Variants in PRXL2B observed in about 807,000 individuals in gnomAD.
The protein encoded by PRXL2B is peroxiredoxin like 2B.
PRXL2B carries 26 observed loss-of-function variants against 24.4 expected under a neutral mutation model. The ratio of observed to expected loss-of-function variants is 1.07; its 90% CI spans 0.78 to 1.48. PRXL2B has a LOEUF of 1.48. PRXL2B is among the 40% of genes most tolerant of loss of function. The pLI is 0.00. For synonymous variants in PRXL2B, 115 were observed against 118.9 expected, an observed-to-expected ratio of 0.97 and a Z score of 0.21; for missense variants, 269 against 264.8, an observed-to-expected ratio of 1.02 and a Z score of -0.11.
rs1292235989 is a variant in PRXL2B at position 2,587,612 on chromosome 1, G to C, written c.269-129G>C. ...CCGTTTTACCCCTCCCTGCCCTGCG[G>C]GGGTGGGCTGAGCACGGAGGGTGGG... On this transcript the variant is annotated intron_variant, in intron 2 of 6. Coordinates refer to ENST00000419916, the MANE Select transcript of PRXL2B (RefSeq NM_152371.5). This position sits in a 1 kb window ranked among gnomAD's most constrained non-coding sequence, Gnocchi z 6.1. 1.5e-5 allele frequency: 17 copies of C among 1,116,316 alleles called. No individual in the cohort carries two copies. Among genetic ancestry groups the C allele is most frequent in the Non-Finnish European group, 2.3e-5 (17 of 754,944 alleles). The allele number at this position is 1,116,316 out of a possible 1,614,324, so 69.2% of individuals were successfully genotyped here. A position where few individuals can be genotyped will look rare whatever the true frequency, so the allele number is the denominator to read the frequency against.
Position 2,587,549 on chromosome 1 carries a change from C to T in PRXL2B, c.269-192C>T, listed in dbSNP as rs187837048. ...CCGGCTCCACCTGTTGCCTCTGGGA[C>T]TCAGCCCCTCTTCTGAGGGGAGGGG... is the stretch of plus-strand genomic sequence containing the variant. On this transcript the variant is annotated intron_variant, in intron 2 of 6. Coordinates refer to ENST00000419916, the MANE Select transcript of PRXL2B (RefSeq NM_152371.5). This position sits in a 1 kb window ranked among gnomAD's most constrained non-coding sequence, Gnocchi z 6.1. Among the ~76,000 whole-genome samples the T allele has an allele frequency of 2.2e-3, 330 of 152,266 alleles. 2 individuals are homozygous for T. Among genetic ancestry groups the T allele is most frequent in the Non-Finnish European group, 3.7e-3 (250 of 68,000 alleles).
chr1:2,587,579 ACT>A lies in PRXL2B; in HGVS notation c.269-160_269-159del, dbSNP rs1644556432. On this transcript the variant is annotated intron_variant, in intron 2 of 6. Transcript: ENST00000419916. The surrounding 1 kb of genome is among the most constrained non-coding windows in gnomAD (Gnocchi z 6.1). ...CCCCTCTTCTGAGGGGAGGGGGGAC[ACT>A]CAGCCCCGTTTTACCCCTCCCTGCC... is the stretch of plus-strand genomic sequence containing the variant. 6.6e-6 allele frequency among the ~76,000 whole-genome samples: 1 copy of A among 151,916 alleles called. No homozygotes were observed. The highest frequency in any genetic ancestry group is 6.5e-5 in the Admixed American group (1 of 15,280).
chr1:2,591,096 G>T lies in PRXL2B; in HGVS notation c.*1669G>T. The stretch of plus-strand genomic sequence containing the variant: ...CTGCAGCGACCCCAGTACCCTGTGG[G>T]TGGGTGGGTGTGACAGCAGGAGCAT... On this transcript the variant is annotated 3_prime_UTR_variant, in exon 7 of 7. Coordinates refer to ENST00000419916, the MANE Select transcript of PRXL2B (RefSeq NM_152371.5). 6.4e-7 allele frequency: 1 copy of T among 1,557,700 alleles called. No homozygotes were observed. The highest frequency in any genetic ancestry group is 1.7e-4 in the Middle Eastern group (1 of 5,780).
Position 2,587,899 on chromosome 1 carries a change from C to A in PRXL2B, c.320+107C>A. The A allele has an allele frequency of 2.3e-6, 3 of 1,324,288 alleles. No individual in the cohort carries two copies. Among genetic ancestry groups the A allele is most frequent in the Middle Eastern group, 2.6e-4 (1 of 3,914 alleles). The allele number at this position is 1,324,288 out of a possible 1,614,324, so 82.0% of individuals were successfully genotyped here. A position where few individuals can be genotyped will look rare whatever the true frequency, so the allele number is the denominator to read the frequency against. The stretch of plus-strand genomic sequence containing the variant: ...GCTGCCCTCTGTGGTGCTGTCCACT[C>A]GGGCCTTCCTGGGCAAGGCGGCTCT... On this transcript the variant is annotated intron_variant, in intron 3 of 6. Coordinates refer to ENST00000419916, the MANE Select transcript of PRXL2B (RefSeq NM_152371.5). This position sits in a 1 kb window ranked among gnomAD's most constrained non-coding sequence, Gnocchi z 6.1.
rs371482493 is a variant in PRXL2B at position 2,587,186 on chromosome 1, C to T, written c.159C>T (p.Asp53=). The change falls in exon 2 of 7, where the codon GAC becomes GAT. Residue 53 remains aspartate, a synonymous_variant. Coordinates refer to ENST00000419916, the MANE Select transcript of PRXL2B (RefSeq NM_152371.5). The surrounding 1 kb of genome is among the most constrained non-coding windows in gnomAD (Gnocchi z 6.1). ...TGGTGTGCCGCTGGATCGCCCAGGA[C>T]CTCAGCAGCCTTGCTGGGCTCCTGG... The part of the protein sequence containing the change: ...GCVVCRWIAQ[D]LSSLAGLLDQ... The T allele has an allele frequency of 6.4e-6, 10 of 1,562,716 alleles. No homozygotes were observed. The highest frequency in any genetic ancestry group is 5.4e-5 in the African/African-American group (4 of 74,008).
In PRXL2B at chr1:2,587,193, A is replaced by C; in HGVS notation, c.166A>C (p.Ser56Arg). The C allele has an allele frequency of 6.4e-7, 1 of 1,565,112 alleles. No individual in the cohort carries two copies. Among genetic ancestry groups the C allele is most frequent in the South Asian group, 1.2e-5 (1 of 86,290 alleles). Residue 56 changes from serine (S) to arginine (R), a missense_variant, in exon 2 of 7, where the codon AGC (serine) becomes CGC (arginine). By Grantham distance (110) the Ser-to-Arg change is moderately radical. Coordinates refer to ENST00000419916, the MANE Select transcript of PRXL2B (RefSeq NM_152371.5). The surrounding 1 kb of genome is among the most constrained non-coding windows in gnomAD (Gnocchi z 6.1). ...VCRWIAQDLS[S>R]LAGLLDQHGV... ...CCGCTGGATCGCCCAGGACCTCAGC[A>C]GCCTTGCTGGGCTCCTGGACCAACA...
chr1:2,589,853 T>G lies in PRXL2B; in HGVS notation c.*426T>G. ...TCAGCTCCAGCAGGGTCGGGGTCAG[T>G]GCCTGTGTCTGGTGGGGGCCACTCA... On this transcript the variant is annotated 3_prime_UTR_variant, in exon 7 of 7. Transcript: ENST00000419916. 4.8e-6 allele frequency: 1 copy of G among 210,418 alleles called. No individual in the cohort carries two copies. The allele number at this position is 210,418 out of a possible 1,614,324, so 13.0% of individuals were successfully genotyped here.
At position 2,591,426 on chromosome 1, in the gene PRXL2B, C is replaced by G; in HGVS notation, c.*1999C>G. On this transcript the variant is annotated 3_prime_UTR_variant, in exon 7 of 7. Transcript: ENST00000419916. ...CCTGACCGAAATCGGCCAGAAGCCC[C>G]TCTCAGGTTTATTCCCAAAATAAAC... 3.9e-6 allele frequency: 3 copies of G among 765,546 alleles called. No individual in the cohort carries two copies. The highest frequency in any genetic ancestry group is 1.5e-5 in the South Asian group (1 of 64,990). 47.4% of individuals were successfully genotyped at this position (765,546 alleles called of 1,614,324 possible). A position where few individuals can be genotyped will look rare whatever the true frequency, so the allele number is the denominator to read the frequency against.
At position 2,589,538 on chromosome 1, in the gene PRXL2B, C is replaced by T. The variant is rs1212501103; in HGVS notation, c.*111C>T. 1 of 1,495,282 alleles carries T rather than the reference C, an allele frequency of 6.7e-7. No homozygotes were observed. The highest frequency in any genetic ancestry group is 9.2e-7 in the Non-Finnish European group (1 of 1,089,294). The allele number at this position is 1,495,282 out of a possible 1,614,324, so 92.6% of individuals were successfully genotyped here. A position where few individuals can be genotyped will look rare whatever the true frequency, so the allele number is the denominator to read the frequency against. On this transcript the variant is annotated 3_prime_UTR_variant, in exon 7 of 7. Coordinates refer to ENST00000419916, the MANE Select transcript of PRXL2B (RefSeq NM_152371.5). ...GGAGGCGCTGGGTCGGGATGCCGAA[C>T]CTCTCCTGATCCGCCGGCAGCAACG...
chr1:2,591,275 C>T lies in PRXL2B; in HGVS notation c.*1848C>T, dbSNP rs374597613. On this transcript the variant is annotated 3_prime_UTR_variant, in exon 7 of 7. Coordinates refer to ENST00000419916, the MANE Select transcript of PRXL2B (RefSeq NM_152371.5). ...AGAAACATGCCAATCCTGAGAATAA[C>T]CTCCCCTCCAGCCAGAGATATTCCA... 53 of 596,592 alleles carry T rather than the reference C, an allele frequency of 8.9e-5. No homozygotes were observed. The highest frequency in any genetic ancestry group is 4.5e-4 in the East Asian group (16 of 35,644). 37.0% of individuals were successfully genotyped at this position (596,592 alleles called of 1,614,324 possible).
chr1:2,587,771 A>T lies in PRXL2B; in HGVS notation c.299A>T (p.Tyr100Phe). The stretch of plus-strand genomic sequence containing the variant: ...TACCTGGATGAGAGCAAGCAGCTTT[A>T]CAAGGAGCTAGGCTTCAAGCGGTGA... Reference protein sequence around the residue: ...ELYLDESKQLYKELGFKRYNS... With the variant: ...ELYLDESKQLFKELGFKRYNS... The change falls in exon 3 of 7, where the codon TAC becomes TTC. Residue 100 changes from tyrosine to phenylalanine, a missense_variant. Transcript: ENST00000419916. The surrounding 1 kb of genome is among the most constrained non-coding windows in gnomAD (Gnocchi z 6.1). 1 of 1,601,520 alleles carries T rather than the reference A, an allele frequency of 6.2e-7. No homozygotes were observed. The highest frequency in any genetic ancestry group is 1.1e-5 in the South Asian group (1 of 89,184).
At position 2,590,718 on chromosome 1, in the gene PRXL2B, A is replaced by C; in HGVS notation, c.*1291A>C. ...ATGCACCTTGGAGGGTGGGCAGGAC[A>C]CAGTTGATTGTCTCTACAGAGCTGT... On this transcript the variant is annotated 3_prime_UTR_variant, in exon 7 of 7. Transcript: ENST00000419916. 1 of 382,834 alleles carries C rather than the reference A, an allele frequency of 2.6e-6. No homozygotes were observed. The highest frequency in any genetic ancestry group is 4.5e-5 in the Admixed American group (1 of 22,088). 23.7% of individuals were successfully genotyped at this position (382,834 alleles called of 1,614,324 possible).
At position 2,590,408 on chromosome 1, in the gene PRXL2B, C is replaced by T. The variant is rs1644655705; in HGVS notation, c.*981C>T. The T allele has an allele frequency of 1.3e-5, 2 of 152,678 alleles. No individual in the cohort carries two copies. Among genetic ancestry groups the T allele is most frequent in the Non-Finnish European group, 2.9e-5 (2 of 68,300 alleles). The allele number at this position is 152,678 out of a possible 1,614,324, so 9.5% of individuals were successfully genotyped here. A position where few individuals can be genotyped will look rare whatever the true frequency, so the allele number is the denominator to read the frequency against. On this transcript the variant is annotated 3_prime_UTR_variant, in exon 7 of 7. Coordinates refer to ENST00000419916, the MANE Select transcript of PRXL2B (RefSeq NM_152371.5). ...CTGCAGCTCTCTGGGTCCCCCGGTG[C>T]CCCAGTGGGGCTCCCCGCATCTGAA... is the stretch of plus-strand genomic sequence containing the variant.
rs1027895685 is a variant in PRXL2B, at chr1:2,590,972, A to G, written c.*1545A>G. On this transcript the variant is annotated 3_prime_UTR_variant, in exon 7 of 7. Coordinates refer to ENST00000419916, the MANE Select transcript of PRXL2B (RefSeq NM_152371.5). ...AGCAGCGGGTGGGCGTGGGCCGCAC[A>G]GCGCGGCAGGGCCTTGGCTACCACA... 3.9e-6 allele frequency: 6 copies of G among 1,528,040 alleles called. No homozygotes were observed. The highest frequency in any genetic ancestry group is 4.4e-6 in the Non-Finnish European group (5 of 1,136,150). The allele number at this position is 1,528,040 out of a possible 1,614,324, so 94.7% of individuals were successfully genotyped here. A position where few individuals can be genotyped will look rare whatever the true frequency, so the allele number is the denominator to read the frequency against.
chr1:2,587,219 C>A lies in PRXL2B; in HGVS notation c.192C>A (p.His64Gln). The A allele has an allele frequency of 1.9e-6, 3 of 1,572,416 alleles. No homozygotes were observed. Among genetic ancestry groups the A allele is most frequent in the Non-Finnish European group, 2.6e-6 (3 of 1,165,462 alleles). ...GCCTTGCTGGGCTCCTGGACCAACA[C>A]GGCGTGCGCCTGGTGGGCGTAGGGC... Reference protein sequence around the residue: ...LSSLAGLLDQHGVRLVGVGPE... With the variant: ...LSSLAGLLDQQGVRLVGVGPE... Residue 64 changes from histidine (H) to glutamine (Q), a missense_variant, in exon 2 of 7, where the codon CAC becomes CAA. By Grantham distance (24) the His-to-Gln change is conservative. Transcript: ENST00000419916. This position sits in a 1 kb window ranked among gnomAD's most constrained non-coding sequence, Gnocchi z 6.1.
rs1207729253 is a variant in PRXL2B at position 2,589,400 on chromosome 1, G to A, written c.580-10G>A. 6.2e-7 allele frequency: 1 copy of A among 1,613,434 alleles called. No individual in the cohort carries two copies. The highest frequency in any genetic ancestry group is 1.7e-5 in the Admixed American group (1 of 59,958). On this transcript the variant is annotated splice_polypyrimidine_tract_variant and intron_variant, in intron 6 of 6. Transcript: ENST00000419916. ...TCCAGCGGCCCCATGGGACCCTGCTGTCCCCACAGTGTGACAGAGAGGTGT... is the reference window on the plus strand; with the variant it reads ...TCCAGCGGCCCCATGGGACCCTGCTATCCCCACAGTGTGACAGAGAGGTGT...
intron 5 of PRXL2B, 32 bp from the exon 6 acceptor site, chr1:2,588,890 G>A (rs1410795610): frequency 3.9e-5 from 62 of 1,602,220 alleles, no homozygotes; most frequent in Non-Finnish European, 5.1e-5. Flanking sequence ...GGCGGCCTCC[G>A]GGGTGCCGTG....
Position 2,587,702 on chromosome 1 carries a change from CT to C in PRXL2B, c.269-38del. 6.3e-7 allele frequency: 1 copy of C among 1,580,062 alleles called. No homozygotes were observed. Among genetic ancestry groups the C allele is most frequent in the Non-Finnish European group, 8.6e-7 (1 of 1,162,622 alleles). The stretch of plus-strand genomic sequence containing the variant: ...GTGGTGAGTGGGTTGGGGGCTGGTT[CT>C]GCGCCTGGGGCACACACATGTGGCT... On this transcript the variant is annotated intron_variant, in intron 2 of 6. Coordinates refer to ENST00000419916, the MANE Select transcript of PRXL2B (RefSeq NM_152371.5). The surrounding 1 kb of genome is among the most constrained non-coding windows in gnomAD (Gnocchi z 6.1).
In PRXL2B at chr1:2,588,398, G is replaced by A; in HGVS notation, c.329G>A (p.Ser110Asn). Reference protein sequence around the residue: ...YKELGFKRYNSLSILPAALGK... With the variant: ...YKELGFKRYNNLSILPAALGK... ...ACCTGGTGTCTTCGCAGGTACAACA[G>A]CCTGAGCATCCTCCCAGCAGCTCTG... Residue 110 changes from serine to asparagine, a missense_variant, in exon 4 of 7, where the codon AGC (serine) becomes AAC (asparagine). By Grantham distance (46) the Ser-to-Asn change is conservative. Coordinates refer to ENST00000419916, the MANE Select transcript of PRXL2B (RefSeq NM_152371.5). The A allele has an allele frequency of 2.5e-6, 4 of 1,614,178 alleles. No homozygotes were observed. Among genetic ancestry groups the A allele is most frequent in the East Asian group, 2.2e-5 (1 of 44,890 alleles).
Sources: gnomAD v4.1 joint callset for allele counts (sites outside exome capture counted in the v4.1 genomes callset) on GRCh38, gnomAD v4.1.1 for gene constraint, Gnocchi (gnomAD v3.1) non-coding constraint, MANE v1.5 for transcripts, NCBI Gene and HGNC (gene_info 2026-07-23, HGNC 2026-07-21) for gene names.